Variants in PIGU observed in about 807,000 individuals in gnomAD.
PIGU encodes phosphatidylinositol glycan anchor biosynthesis class U.
In PIGU, 24 loss-of-function variants were observed where a neutral mutation model predicts 49.9. The ratio of observed to expected loss-of-function variants is 0.48; its 90% CI spans 0.35 to 0.68. The LOEUF (loss-of-function observed/expected upper bound fraction) is 0.68. Among genes scored for constraint, PIGU ranks in the 30% least tolerant of loss-of-function variants. PIGU has a pLI of 0.01. For missense variants in PIGU, 490 were observed against 532.6 expected (o/e 0.92, Z 0.79); for synonymous variants, 220 against 205.7 (o/e 1.07, Z -0.59).
intron 2 of PIGU, among the ~76,000 whole-genome samples, chr20:34,645,614 GGCCA>G (rs1986317862): frequency 6.6e-6 from 1 of 152,176 alleles, no homozygotes; most frequent in Non-Finnish European, 1.5e-5. Flanking sequence ...TCAACACACT[GGCCA>G]GGTGCGGTGG....
intron 6 of PIGU, among the ~76,000 whole-genome samples, chr20:34,620,820 C>CAAAAAAAAAAAAAAAAAAAAAAAAAAA (rs1178693587): frequency 2.1e-5 from 2 of 96,670 alleles, no homozygotes. Flanking sequence ...AAAAAAAAAA[C>CAAAAAAAAAAAAAAAAAAAAAAAAAAA]AAAAAAAAAA....
At chr20:34,575,071 T>C (rs761155197) in intron 11 of PIGU, 33 bp downstream of exon 11, 5 of 1,610,338 alleles carry the variant, frequency 3.1e-6, no homozygotes, top group Non-Finnish European at 4.2e-6. Flanking sequence ...TGAATTCCTG[T>C]CCCCAAGCTG....
intron 9 of PIGU, among the ~76,000 whole-genome samples, chr20:34,582,091 AG>A (rs1388149439): frequency 6.6e-6 from 1 of 152,212 alleles, no homozygotes; most frequent in Non-Finnish European, 1.5e-5. Flanking sequence ...GACGCAAGGC[AG>A]GAAGTGCCTC....
rs1332193201 is a variant in PIGU at position 34,588,488 on chromosome 20, G to A, written c.747C>T (p.Ser249=). ...VIICLSFFLL[S]SWDFIPAVYG... Reference sequence around the variant, plus strand: ...AGACTGCGGGGATGAAATCCCAAGAGCTGAGAAGGAAGAAGGAGAGGCAAA... The same window carrying A: ...AGACTGCGGGGATGAAATCCCAAGAACTGAGAAGGAAGAAGGAGAGGCAAA... The change falls in exon 8 of 12, where the codon AGC becomes AGT. Residue 249 remains serine (S), a synonymous_variant. Coordinates refer to ENST00000217446, the MANE Select transcript of PIGU (RefSeq NM_080476.5). The A allele has an allele frequency of 1.2e-6, 2 of 1,613,886 alleles. No individual in the cohort carries two copies. Among genetic ancestry groups the A allele is most frequent in the Non-Finnish European group, 1.7e-6 (2 of 1,179,924 alleles).
Position 34,581,583 on chromosome 20 carries a change from A to C in PIGU, c.1016T>G (p.Met339Arg). ...ATGGTTCCACACGGGGAAGAAGGCC[A>C]TGTAGAGCGCCACGTCCCCCACTGT... is the stretch of plus-strand genomic sequence containing the variant. ...YPTVGDVALYMAFFPVWNHLY... is the reference protein window; with the variant it reads ...YPTVGDVALYRAFFPVWNHLY... Residue 339 changes from methionine to arginine, a missense_variant, in exon 10 of 12, where the codon ATG becomes AGG. By Grantham distance (91) the Met-to-Arg change is moderately conservative. Coordinates refer to ENST00000217446, the MANE Select transcript of PIGU (RefSeq NM_080476.5). 6.2e-7 allele frequency: 1 copy of C among 1,613,984 alleles called. No homozygotes were observed. The highest frequency in any genetic ancestry group is 1.1e-5 in the South Asian group (1 of 91,032).
At chr20:34,614,454 G>A (rs563215605) in intron 7 of PIGU, among the ~76,000 whole-genome samples, 2 of 151,406 alleles carry the variant, frequency 1.3e-5, no homozygotes, top group Admixed American at 6.6e-5. Context: ...GCAACATGGC[G>A]AAACCCCATC....
intron 7 of PIGU, among the ~76,000 whole-genome samples, chr20:34,592,420 C>A (rs1984026245): frequency 2.9e-5 from 4 of 135,856 alleles, no homozygotes; most frequent in South Asian, 2.5e-4. Context: ...TGATGGCTTT[C>A]TAATAAGAAT....
intron 6 of PIGU, among the ~76,000 whole-genome samples, chr20:34,625,712 CAAA>C (rs536868098): frequency 9.5e-5 from 8 of 84,298 alleles, no homozygotes; most frequent in Admixed American, 5.6e-4. Flanking sequence ...GACTCTGTCT[CAAA>C]AAAAAAAAAA....
intron 1 of PIGU, among the ~76,000 whole-genome samples, chr20:34,671,923 CAAAA>C (rs55857477): frequency 7.0e-6 from 1 of 143,608 alleles, no homozygotes; most frequent in Non-Finnish European, 1.5e-5. Context: ...AACTCCTTCT[CAAAA>C]AAAAAAAAAT....
chr20:34,638,108 C>A, intron 4 of PIGU, 123 bp from the exon 5 acceptor site: 1 of 1,387,022 alleles, frequency 7.2e-7, no homozygotes, highest in Non-Finnish European at 9.3e-7. Context: ...GGCCCTACCT[C>A]TCCAGGCTCA....
chr20:34,652,194 A>G (rs549105810), intron 2 of PIGU, among the ~76,000 whole-genome samples: 1 of 152,240 alleles, frequency 6.6e-6, no homozygotes, highest in South Asian at 2.1e-4. Context: ...GGGGAGAAAC[A>G]GAGTCTCACT....
intron 4 of PIGU, 49 bp downstream of exon 4, chr20:34,644,115 A>T: frequency 6.7e-7 from 1 of 1,485,626 alleles, no homozygotes; most frequent in Non-Finnish European, 9.4e-7. Flanking sequence ...AACAAAGACC[A>T]GAAGGTTACC....
chr20:34,650,189 C>T lies in PIGU; in HGVS notation c.196-4855G>A, dbSNP rs145143327. Among the ~76,000 whole-genome samples, 1,125 of 152,048 alleles carry T rather than the reference C, an allele frequency of 7.4e-3. 11 individuals carry two copies. The highest frequency in any genetic ancestry group is 8.2e-3 in the Non-Finnish European group (559 of 67,998). ...TTATGTTTTCTATTTCTAGAATTTC[C>T]GTTTGATTCATTTTTTACATACCCT... On this transcript the variant is annotated intron_variant, in intron 2 of 11. Transcript: ENST00000217446.
Position 34,657,173 on chromosome 20 carries a change from CACTT to C in PIGU, c.195+3_195+6del. On this transcript the variant is annotated splice_donor_5th_base_variant and intron_variant, in intron 2 of 11. Transcript: ENST00000217446. ...TGGTACCCAGAAAAGAAAATAAGAA[CACTT>C]ACTTCATGAAATACTGCTCCAGAAT... is the stretch of plus-strand genomic sequence containing the variant. The C allele has an allele frequency of 6.2e-7, 1 of 1,603,356 alleles. No individual in the cohort carries two copies. Among genetic ancestry groups the C allele is most frequent in the Non-Finnish European group, 8.5e-7 (1 of 1,170,668 alleles).
At chr20:34,648,873 G>A (rs541610351) in intron 2 of PIGU, among the ~76,000 whole-genome samples, 2 of 151,846 alleles carry the variant, frequency 1.3e-5, no homozygotes, top group South Asian at 4.2e-4. Flanking sequence ...TTGATTGACT[G>A]ATTGACTGAT....
At chr20:34,604,375 T>C (rs1984538857) in intron 7 of PIGU, among the ~76,000 whole-genome samples, 1 of 152,138 alleles carries the variant, frequency 6.6e-6, no homozygotes, top group Non-Finnish European at 1.5e-5. Flanking sequence ...AAGCCAGTTA[T>C]CCAAATAAAC....
At chr20:34,595,471 G>A (rs1191993311) in intron 7 of PIGU, among the ~76,000 whole-genome samples, 1 of 152,112 alleles carries the variant, frequency 6.6e-6, no homozygotes, top group Admixed American at 6.6e-5. Flanking sequence ...CTGAGATTTT[G>A]GTACCTGCAG....
chr20:34,630,590 A>T (rs1187103865), intron 6 of PIGU, among the ~76,000 whole-genome samples: 1 of 152,118 alleles, frequency 6.6e-6, no homozygotes, highest in Non-Finnish European at 1.5e-5. Flanking sequence ...TGATCCACCA[A>T]CAAGCCCTGC....
At chr20:34,588,707 T>C in intron 7 of PIGU, 100 bp from the exon 8 acceptor site, 2 of 1,141,552 alleles carry the variant, frequency 1.8e-6, no homozygotes, top group African/African-American at 1.6e-5. Flanking sequence ...CATACTATGA[T>C]ACACAGGTTT....
Sources: allele counts gnomAD v4.1 joint callset (sites outside exome capture counted in the v4.1 genomes callset), GRCh38; gene constraint gnomAD v4.1.1; transcripts MANE v1.5; gene names NCBI Gene and HGNC (gene_info 2026-07-23, HGNC 2026-07-21).